Variants in GRM8 observed in about 807,000 individuals in gnomAD.
GRM8 encodes the protein metabotropic glutamate receptor 8.
Under a neutral mutation model 87.2 loss-of-function variants are expected in GRM8, and 47 were observed. That is an observed-to-expected ratio of 0.54 (90% CI 0.43 to 0.69). The LOEUF (loss-of-function observed/expected upper bound fraction) is 0.69, where lower values mean the gene tolerates loss of function less well. Among genes scored for constraint, GRM8 ranks in the 30% least tolerant of loss-of-function variants. The pLI is 0.00. For synonymous variants in GRM8, 396 were observed against 404.5 expected (o/e 0.98, Z 0.25); for missense variants, 1,019 against 1,139.2 (o/e 0.89, Z 1.52).
At position 126,976,903 on chromosome 7, in the gene GRM8, T is replaced by TA. The variant is rs1811045802; in HGVS notation, c.728-72221_728-72220insT. On this transcript the variant is annotated intron_variant, in intron 3 of 10. Coordinates refer to ENST00000339582, the MANE Select transcript of GRM8 (RefSeq NM_000845.3). ...GGGGTTGGGGTTTTATTTTCATTAT[T>TA]TTTTTTTTTTTACAGATTTTACCTT... Among the ~76,000 whole-genome samples, 6 of 131,468 alleles carry TA rather than the reference T, an allele frequency of 4.6e-5. No homozygotes were observed. In the South Asian group the frequency reaches 1.1e-3, roughly 23 times the overall value. The allele number at this position is 131,468 out of a possible 152,430, so 86.2% of individuals were successfully genotyped here.
At chr7:126,527,674 C>A (rs1814073919) in intron 9 of GRM8, among the ~76,000 whole-genome samples, 1 of 152,192 alleles carries the variant, frequency 6.6e-6, no homozygotes, top group Non-Finnish European at 1.5e-5. Flanking sequence ...TCCAAACTAC[C>A]TCTCGAATAT....
chr7:127,197,894 A>G (rs747770546), intron 2 of GRM8, among the ~76,000 whole-genome samples: 1 of 152,056 alleles, frequency 6.6e-6, no homozygotes, highest in Non-Finnish European at 1.5e-5. Context: ...ATACATGTAC[A>G]CCCAGTGCCG....
chr7:126,876,274 C>T (rs985652925), intron 6 of GRM8, among the ~76,000 whole-genome samples: 7 of 152,092 alleles, frequency 4.6e-5, no homozygotes, highest in Admixed American at 6.6e-5. Flanking sequence ...ATGGAAAAAA[C>T]GCTCCATTGG....
In GRM8 at chr7:126,533,879, G is replaced by A. The variant is rs758041199; in HGVS notation, c.1503C>T (p.Asp501=). Residue 501 remains aspartate, a synonymous_variant, in exon 9 of 11, where the codon GAC becomes GAT. Transcript: ENST00000339582. ...TATGTTCTCTATGAGCCCACTGCATGTCTTCCACCTGTGGGTATAAAAAAT... is the reference window on the plus strand; with the variant it reads ...TATGTTCTCTATGAGCCCACTGCATATCTTCCACCTGTGGGTATAAAAAAT... ...WTNQLHLKVE[D]MQWAHREHTH... 3 of 1,609,466 alleles carry A rather than the reference G, an allele frequency of 1.9e-6. No individual in the cohort carries two copies. Among genetic ancestry groups the A allele is most frequent in the Non-Finnish European group, 2.5e-6 (3 of 1,177,352 alleles).
At chr7:126,651,810 A>G (rs1000562508) in intron 7 of GRM8, among the ~76,000 whole-genome samples, 1 of 152,016 alleles carries the variant, frequency 6.6e-6, no homozygotes, top group African/African-American at 2.4e-5. Context: ...AATACAGTAG[A>G]TCAATTGCGG....
At chr7:127,247,671 G>C (rs1172099284) in intron 1 of GRM8, among the ~76,000 whole-genome samples, 1 of 152,206 alleles carries the variant, frequency 6.6e-6, no homozygotes, top group East Asian at 1.9e-4. Context: ...ACAGTCACTG[G>C]CTGGTAACAC....
chr7:126,995,819 G>A (rs1161208440), intron 3 of GRM8, among the ~76,000 whole-genome samples: 1 of 151,910 alleles, frequency 6.6e-6, no homozygotes, highest in Non-Finnish European at 1.5e-5. Flanking sequence ...TAATATAAAA[G>A]AACTTCCAAA....
intron 7 of GRM8, among the ~76,000 whole-genome samples, chr7:126,706,029 G>A (rs973451023): frequency 6.6e-5 from 10 of 152,096 alleles, no homozygotes; most frequent in African/African-American, 2.2e-4. Context: ...TACTTTAAGA[G>A]AGGAAAGAAC....
At chr7:126,811,252 G>T (rs1303318401) in intron 6 of GRM8, among the ~76,000 whole-genome samples, 1 of 152,026 alleles carries the variant, frequency 6.6e-6, no homozygotes, top group African/African-American at 2.4e-5. Context: ...CTGGTACCAT[G>T]CCGTTTTGGT....
chr7:127,130,538 G>A (rs1050221467), intron 2 of GRM8, among the ~76,000 whole-genome samples: 12 of 152,176 alleles, frequency 7.9e-5, no homozygotes, highest in African/African-American at 2.2e-4. Flanking sequence ...GAGACTGGCG[G>A]CATTTTGCCC....
chr7:127,177,851 G>T (rs899388658), intron 2 of GRM8, among the ~76,000 whole-genome samples: 20 of 152,142 alleles, frequency 1.3e-4, no homozygotes, highest in African/African-American at 4.8e-4. Context: ...CTGAACAACA[G>T]CATTCAGCCC....
chr7:126,875,977 T>C (rs1309484807), intron 6 of GRM8, among the ~76,000 whole-genome samples: 1 of 152,218 alleles, frequency 6.6e-6, no homozygotes, highest in East Asian at 1.9e-4. Flanking sequence ...CAACACAATC[T>C]CTTCTTGTCT....
chr7:126,644,282 C>G (rs3824013), intron 7 of GRM8, among the ~76,000 whole-genome samples: 46,834 of 152,098 alleles, frequency 0.31, 8,084 homozygotes, highest in East Asian at 0.43. Flanking sequence ...ATACTTTACT[C>G]ATAAATATTC....
intron 2 of GRM8, among the ~76,000 whole-genome samples, chr7:127,237,469 T>G (rs950372): frequency 1.3e-5 from 2 of 152,226 alleles, no homozygotes; most frequent in African/African-American, 4.8e-5. Flanking sequence ...AAGTGGTTGC[T>G]ACAATTGGTG....
At chr7:127,180,677 T>C (rs548414078) in intron 2 of GRM8, among the ~76,000 whole-genome samples, 76 of 152,234 alleles carry the variant, frequency 5.0e-4, no homozygotes, top group African/African-American at 1.8e-3. Context: ...ATACCAGGGA[T>C]GCAGGGATGG....
chr7:126,756,997 C>T (rs969240172), intron 7 of GRM8, among the ~76,000 whole-genome samples: 4 of 151,848 alleles, frequency 2.6e-5, no homozygotes, highest in Admixed American at 2.6e-4. Context: ...AAAATGTAAA[C>T]CTTTATAAAT....
In GRM8 at chr7:126,996,402, A is replaced by G. The variant is rs1043147881; in HGVS notation, c.728-91719T>C. On this transcript the variant is annotated intron_variant, in intron 3 of 10. Coordinates refer to ENST00000339582, the MANE Select transcript of GRM8 (RefSeq NM_000845.3). ...AAATAACAACAACTTTTTAAGACAC[A>G]AACAGTACAACAAGACAAAGAAAAA... Among the ~76,000 whole-genome samples the G allele has an allele frequency of 2.0e-5, 3 of 152,078 alleles. No individual in the cohort carries two copies. In the South Asian group the frequency reaches 6.2e-4, roughly 32 times the overall value.
chr7:126,472,721 T>C (rs1805425870), intron 9 of GRM8, among the ~76,000 whole-genome samples: 2 of 152,174 alleles, frequency 1.3e-5, no homozygotes, highest in African/African-American at 4.8e-5. Flanking sequence ...CAGAGGTCTT[T>C]ATGGCACCTC....
intron 2 of GRM8, among the ~76,000 whole-genome samples, chr7:127,232,209 G>GTGTC (rs1179307245): frequency 5.5e-5 from 8 of 146,328 alleles, no homozygotes; most frequent in African/African-American, 7.6e-5. Flanking sequence ...GTGTGTGTGT[G>GTGTC]TGTGAGAGAG....
Sources: gnomAD v4.1 joint callset for allele counts (sites outside exome capture counted in the v4.1 genomes callset) on GRCh38, gnomAD v4.1.1 for gene constraint, MANE v1.5 for transcripts, NCBI Gene and HGNC (gene_info 2026-07-23, HGNC 2026-07-21) for gene names.